Variants in DEPDC7 observed in about 807,000 individuals in gnomAD.
DEPDC7 encodes the protein DEP domain containing 7.
A neutral mutation model predicts 56.6 loss-of-function variants in DEPDC7; 41 were observed. The ratio of observed to expected loss-of-function variants is 0.72; its 90% CI spans 0.56 to 0.94. The LOEUF (loss-of-function observed/expected upper bound fraction) is 0.94. Among genes scored for constraint, DEPDC7 ranks in the 40% least tolerant of loss-of-function variants. The pLI, the probability that DEPDC7 is intolerant of heterozygous loss-of-function variation, is 0.00. For missense variants in DEPDC7, 522 were observed against 596.3 expected (o/e 0.88, Z 1.30); for synonymous variants, 185 against 208.8 (o/e 0.89, Z 0.98).
chr11:33,028,438 A>C, intron 3 of DEPDC7, 165 bp from the exon 4 acceptor site: 1 of 543,742 alleles, frequency 1.8e-6, no homozygotes, highest in Non-Finnish European at 3.2e-6. Flanking sequence ...CTCTAAACAA[A>C]TCTTGGATTG....
At chr11:33,029,338 A>G (rs1853609874) in intron 4 of DEPDC7, among the ~76,000 whole-genome samples, 1 of 151,858 alleles carries the variant, frequency 6.6e-6, no homozygotes, top group African/African-American at 2.4e-5. Flanking sequence ...ACTCTACTAA[A>G]AATACAAAAA....
rs1237709481 is a variant in DEPDC7, at chr11:33,016,530, C to T, written c.73+502C>T. On this transcript the variant is annotated intron_variant, in intron 1 of 8. Transcript: ENST00000241051. ...AGTCAGCTTGTCTCCCCAGACTCTT[C>T]CTGGGAGGGATGAGAGGTTTATGTG... is the stretch of plus-strand genomic sequence containing the variant. 6 of 1,613,944 alleles carry T rather than the reference C, an allele frequency of 3.7e-6. No individual in the cohort carries two copies. In the African/African-American group the frequency reaches 6.7e-5, roughly 18 times the overall value.
At chr11:33,020,068 A>G (rs1853508205) in intron 1 of DEPDC7, among the ~76,000 whole-genome samples, 1 of 152,172 alleles carries the variant, frequency 6.6e-6, no homozygotes, top group Admixed American at 6.5e-5. Flanking sequence ...TGAAGTGATT[A>G]TACAATTGTT....
chr11:33,027,684 A>C lies in DEPDC7; in HGVS notation c.465-2A>C. ...TTCATTTCTGAAATAAATTCATTTT[A>C]GGTATGCAGATGCATTATTTAAGTC... On this transcript the variant is annotated splice_acceptor_variant, in intron 2 of 8. Transcript: ENST00000241051. LOFTEE classifies it high-confidence loss of function. 4.7e-6 allele frequency: 7 copies of C among 1,503,172 alleles called. No homozygotes were observed. The highest frequency in any genetic ancestry group is 1.3e-5 in the South Asian group (1 of 74,620). The allele number at this position is 1,503,172 out of a possible 1,614,324, so 93.1% of individuals were successfully genotyped here. A position where few individuals can be genotyped will look rare whatever the true frequency, so the allele number is the denominator to read the frequency against.
chr11:33,033,245 T>C lies in DEPDC7; in HGVS notation c.1343-17T>C. On this transcript the variant is annotated splice_polypyrimidine_tract_variant and intron_variant, in intron 8 of 8. Coordinates refer to ENST00000241051, the MANE Select transcript of DEPDC7 (RefSeq NM_001077242.2). The stretch of plus-strand genomic sequence containing the variant: ...GAATTGAGTCATTAACTGAACTTTT[T>C]ACTTTTAAACTTTAAGGATATATTT... The C allele has an allele frequency of 3.9e-6, 6 of 1,543,798 alleles. No homozygotes were observed. The highest frequency in any genetic ancestry group is 5.3e-6 in the Non-Finnish European group (6 of 1,142,046).
chr11:33,020,055 A>G (rs1853508072), intron 1 of DEPDC7, among the ~76,000 whole-genome samples: 1 of 152,198 alleles, frequency 6.6e-6, no homozygotes, highest in African/African-American at 2.4e-5. Flanking sequence ...TAATCTTACT[A>G]TTTGAAGTGA....
chr11:33,020,335 T>G (rs550954849), intron 1 of DEPDC7, among the ~76,000 whole-genome samples: 1 of 152,312 alleles, frequency 6.6e-6, no homozygotes, highest in East Asian at 1.9e-4. Flanking sequence ...TTTTTTATGG[T>G]AGAGTTCAAA....
intron 3 of DEPDC7, chr11:33,028,340 A>G (rs1853599070): frequency 3.1e-6 from 1 of 325,966 alleles, no homozygotes; most frequent in Non-Finnish European, 5.5e-6. Flanking sequence ...AACATGTTAC[A>G]TGACTTGATC....
rs914118592 is a variant in DEPDC7 at position 33,015,983 on chromosome 11, G to T, written c.28G>T (p.Ala10Ser). 2 of 1,577,342 alleles carry T rather than the reference G, an allele frequency of 1.3e-6. No homozygotes were observed. Among genetic ancestry groups the T allele is most frequent in the South Asian group, 1.2e-5 (1 of 85,474 alleles). The stretch of plus-strand genomic sequence containing the variant: ...GGCCACCGTGCAGGAGAAGGCTGCT[G>T]CGCTGAACCTCTCGGCTCTCCACAG... MATVQEKAA[A>S]LNLSALHSPA... The change falls in exon 1 of 9, where the codon GCG becomes TCG. Residue 10 changes from alanine (A) to serine (S), a missense_variant. Physicochemically the swap from Ala to Ser is moderately conservative, Grantham distance 99. Coordinates refer to ENST00000241051, the MANE Select transcript of DEPDC7 (RefSeq NM_001077242.2).
At chr11:33,023,498 A>G (rs776743070) in intron 1 of DEPDC7, among the ~76,000 whole-genome samples, 3 of 152,142 alleles carry the variant, frequency 2.0e-5, no homozygotes, top group Admixed American at 6.5e-5. Flanking sequence ...TGACCCACTT[A>G]TAATTTATGG....
At chr11:33,030,053 G>T (rs1444336441) in intron 4 of DEPDC7, among the ~76,000 whole-genome samples, 1 of 151,984 alleles carries the variant, frequency 6.6e-6, no homozygotes, top group Non-Finnish European at 1.5e-5. Flanking sequence ...TCCGCCTCCC[G>T]GGTTCAAGCG....
chr11:33,032,471 A>G lies in DEPDC7; in HGVS notation c.1130A>G (p.Gln377Arg), dbSNP rs1005272726. The G allele has an allele frequency of 3.9e-6, 6 of 1,558,310 alleles. No individual in the cohort carries two copies. The East Asian group carries it at 1.2e-4, about 30-fold the overall frequency. The change falls in exon 6 of 9, where the codon CAG becomes CGG. Residue 377 changes from glutamine to arginine, a missense_variant. Physicochemically the swap from Gln to Arg is conservative, Grantham distance 43 (BLOSUM62 1). Transcript: ENST00000241051. ...VAANPSEFKL[Q>R]KESDNRMVVK... is the part of the protein sequence containing the mutation. ...GCAAATCCTTCTGAGTTTAAATTAC[A>G]GAAAGAAGTAAGTCTTTTGTTTAAC...
At chr11:33,017,739 T>G (rs1853478998) in intron 1 of DEPDC7, among the ~76,000 whole-genome samples, 1 of 152,222 alleles carries the variant, frequency 6.6e-6, no homozygotes, top group Non-Finnish European at 1.5e-5. Flanking sequence ...TTTGTACTTT[T>G]GTTTCTCCAC....
In DEPDC7 at chr11:33,015,961, C is replaced by T; in HGVS notation, c.6C>T (p.Ala2=). 6.3e-7 allele frequency: 1 copy of T among 1,576,714 alleles called. No homozygotes were observed. Among genetic ancestry groups the T allele is most frequent in the South Asian group, 1.2e-5 (1 of 85,366 alleles). ...GCGTCCGGGGAGCAAGGGCCATGGC[C>T]ACCGTGCAGGAGAAGGCTGCTGCGC... M[A]TVQEKAAALN... The change falls in exon 1 of 9, where the codon GCC becomes GCT. Residue 2 remains alanine, a synonymous_variant. Transcript: ENST00000241051.
chr11:33,025,781 T>C lies in DEPDC7; in HGVS notation c.196T>C (p.Phe66Leu). ...CCGTTTAAAACGACATAATGACTGC[T>C]TTGTTGGTTCAGAAGCTGTGGATGT... is the stretch of plus-strand genomic sequence containing the variant. Reference protein sequence around the residue: ...RHRLKRHNDCFVGSEAVDVIF... With the variant: ...RHRLKRHNDCLVGSEAVDVIF... Residue 66 changes from phenylalanine to leucine, a missense_variant, in exon 2 of 9, where the codon TTT becomes CTT. Coordinates refer to ENST00000241051, the MANE Select transcript of DEPDC7 (RefSeq NM_001077242.2). The C allele has an allele frequency of 6.2e-7, 1 of 1,614,224 alleles. No individual in the cohort carries two copies. Among genetic ancestry groups the C allele is most frequent in the Non-Finnish European group, 8.5e-7 (1 of 1,180,046 alleles).
chr11:33,030,730 C>T (rs1293361334), intron 4 of DEPDC7, among the ~76,000 whole-genome samples: 2 of 151,926 alleles, frequency 1.3e-5, no homozygotes, highest in Admixed American at 6.6e-5. Context: ...ATTACAGGGG[C>T]GCACCACCAC....
At chr11:33,029,204 G>T (rs528190737) in intron 4 of DEPDC7, among the ~76,000 whole-genome samples, 1 of 151,208 alleles carries the variant, frequency 6.6e-6, no homozygotes, top group East Asian at 1.9e-4. Flanking sequence ...TTGTATTAAA[G>T]AAATACAATA....
At chr11:33,026,700 T>C (rs1853581570) in intron 2 of DEPDC7, 1 of 153,632 alleles carries the variant, frequency 6.5e-6, no homozygotes, top group Non-Finnish European at 1.4e-5. Flanking sequence ...TGTCTGCCTT[T>C]TGGGCTCAAG....
rs959697204 is a variant in DEPDC7 at position 33,018,733 on chromosome 11, C to G, written c.73+2705C>G. ...CATAATTAATGAACCAATATTGATA[C>G]ATATAATTATTAACTGAAGTCCACA... On this transcript the variant is annotated intron_variant, in intron 1 of 8. Coordinates refer to ENST00000241051, the MANE Select transcript of DEPDC7 (RefSeq NM_001077242.2). Among the ~76,000 whole-genome samples the G allele has an allele frequency of 1.5e-4, 23 of 152,120 alleles. 1 individual carries two copies. The highest frequency in any genetic ancestry group is 5.3e-4 in the African/African-American group (22 of 41,414).
Sources: gnomAD v4.1 joint callset for allele counts (sites outside exome capture counted in the v4.1 genomes callset) on GRCh38, gnomAD v4.1.1 for gene constraint, MANE v1.5 for transcripts, NCBI Gene and HGNC (gene_info 2026-07-23, HGNC 2026-07-21) for gene names.